SV2C: variants seen among roughly 807,000 people sequenced by gnomAD.
The protein encoded by SV2C is synaptic vesicle glycoprotein 2C.
A neutral mutation model predicts 79.7 loss-of-function variants in SV2C; 49 were observed. The ratio of observed to expected loss-of-function variants is 0.61; its 90% CI spans 0.49 to 0.78. SV2C has a LOEUF of 0.78. Ranked by LOEUF, SV2C falls within the 30% of genes least tolerant of loss-of-function variation. The pLI, the probability that SV2C is intolerant of heterozygous loss-of-function variation, is 0.00. For synonymous variants in SV2C, 334 were observed against 333.2 expected, an observed-to-expected ratio of 1.00 and a Z score of -0.03; for missense variants, 833 against 912.9, an observed-to-expected ratio of 0.91 and a Z score of 1.13.
At chr5:76,282,056 A>G (rs1010873980) in intron 4 of SV2C, among the ~76,000 whole-genome samples, 1 of 152,114 alleles carries the variant, frequency 6.6e-6, no homozygotes, top group African/African-American at 2.4e-5. Flanking sequence ...ACTTCATCCT[A>G]TTTGCCTTTG....
chr5:75,935,776 C>T, the SV2C span, among the ~76,000 whole-genome samples: 1,310 of 152,260 alleles, frequency 8.6e-3, 25 homozygotes, highest in African/African-American at 0.03. Context: ...GTGTTTACCT[C>T]TGGAGAGGGG....
At chr5:75,852,149 C>T in the SV2C span, among the ~76,000 whole-genome samples, 1 of 152,040 alleles carries the variant, frequency 6.6e-6, no homozygotes, top group Non-Finnish European at 1.5e-5. Context: ...GAACATCACA[C>T]ACCAGGGCCT....
At chr5:76,319,579 G>T (rs182758891) in intron 12 of SV2C, among the ~76,000 whole-genome samples, 34 of 152,266 alleles carry the variant, frequency 2.2e-4, no homozygotes, top group African/African-American at 7.9e-4. Flanking sequence ...TTCATCTAAA[G>T]AACTGCCTTT....
the SV2C span, among the ~76,000 whole-genome samples, chr5:76,025,292 C>T: frequency 1.3e-5 from 2 of 151,736 alleles, no homozygotes; most frequent in Non-Finnish European, 2.9e-5. Flanking sequence ...GAGCAGATGG[C>T]TGAGGGGCAT....
At chr5:76,082,296 G>A (rs573573840), upstream of SV2C, 53 of 152,396 alleles carry the variant, frequency 3.5e-4, no homozygotes, top group African/African-American at 1.1e-3. Context: ...CTGCTGCCGC[G>A]GGGTGGGTGC....
At chr5:76,040,046 T>A in the SV2C span, among the ~76,000 whole-genome samples, 2 of 152,206 alleles carry the variant, frequency 1.3e-5, no homozygotes, top group East Asian at 3.8e-4. Context: ...TACATGTACG[T>A]ATATGTGTAT....
chr5:76,264,864 G>T (rs1746596427), intron 4 of SV2C, among the ~76,000 whole-genome samples: 1 of 152,212 alleles, frequency 6.6e-6, no homozygotes, highest in African/African-American at 2.4e-5. Context: ...TGTATGAGGT[G>T]TCTGTCAACC....
At chr5:76,251,447 G>A (rs561864786) in intron 4 of SV2C, among the ~76,000 whole-genome samples, 11 of 152,268 alleles carry the variant, frequency 7.2e-5, no homozygotes, top group Middle Eastern at 3.4e-3. Context: ...AGCTACTCAG[G>A]AGGCTGAGGT....
intron 4 of SV2C, among the ~76,000 whole-genome samples, chr5:76,257,884 G>A: frequency 6.7e-6 from 1 of 149,552 alleles, no homozygotes. Flanking sequence ...TGTGGGGTTT[G>A]AACATGTGTG....
the SV2C span, among the ~76,000 whole-genome samples, chr5:76,003,088 TC>T: frequency 6.6e-6 from 1 of 152,140 alleles, no homozygotes; most frequent in Middle Eastern, 3.2e-3. Context: ...AAGGGCTTTT[TC>T]CCCTTTTGCT....
At chr5:76,107,085 C>T (rs191935400) in intron 1 of SV2C, among the ~76,000 whole-genome samples, 1 of 152,082 alleles carries the variant, frequency 6.6e-6, no homozygotes, top group Non-Finnish European at 1.5e-5. Flanking sequence ...AATGAGTATA[C>T]AAAGGAATTA....
intron 4 of SV2C, among the ~76,000 whole-genome samples, chr5:76,268,473 A>C (rs115329561): frequency 0.012 from 1,814 of 152,236 alleles, 29 homozygotes; most frequent in African/African-American, 0.042. Flanking sequence ...GTCCCGCTGC[A>C]TGGCTGCAGC....
chr5:76,290,464 C>T lies in SV2C; in HGVS notation c.1138-757C>T, dbSNP rs375254103. ...GTAAATCTTGATTAGCAGGAGAAGG[C>T]GGGTCAGGCCCACAAAGGACCCATT... On this transcript the variant is annotated intron_variant, in intron 6 of 12. Transcript: ENST00000502798. 3.9e-5 allele frequency among the ~76,000 whole-genome samples: 6 copies of T among 152,282 alleles called. No individual in the cohort carries two copies. In the East Asian group the frequency reaches 1.2e-3, roughly 29 times the overall value.
chr5:76,046,843 C>A, the SV2C span, among the ~76,000 whole-genome samples: 3 of 152,188 alleles, frequency 2.0e-5, no homozygotes, highest in Non-Finnish European at 4.4e-5. Flanking sequence ...AGTATGACTG[C>A]CCTTGCTCAT....
intron 12 of SV2C, among the ~76,000 whole-genome samples, 172 bp from the exon 13 acceptor site, chr5:76,325,192 T>C (rs1293930948): frequency 6.6e-6 from 1 of 152,152 alleles, no homozygotes; most frequent in African/African-American, 2.4e-5. Flanking sequence ...GGAGGAACAA[T>C]ACCAACAGCT....
the SV2C span, among the ~76,000 whole-genome samples, chr5:75,890,175 A>C: frequency 1.2e-3 from 189 of 152,264 alleles, 2 homozygotes; most frequent in African/African-American, 4.3e-3. Context: ...TGTAGACTTT[A>C]AATTGTGAAG....
chr5:76,010,934 T>C, the SV2C span, among the ~76,000 whole-genome samples: 1 of 152,150 alleles, frequency 6.6e-6, no homozygotes, highest in Non-Finnish European at 1.5e-5. Context: ...GAACCTTGTT[T>C]TGATTATCCT....
the SV2C span, among the ~76,000 whole-genome samples, chr5:75,859,908 C>T: frequency 6.6e-5 from 10 of 152,124 alleles, no homozygotes; most frequent in East Asian, 1.9e-4. Context: ...TCCCTTCCTA[C>T]GCCTCCCATT....
chr5:75,969,284 T>A, the SV2C span, among the ~76,000 whole-genome samples: 2 of 151,892 alleles, frequency 1.3e-5, no homozygotes, highest in Non-Finnish European at 2.9e-5. Flanking sequence ...GCAAAATAAC[T>A]GGCTAACATC....
Sources: gnomAD v4.1 joint callset for allele counts (sites outside exome capture counted in the v4.1 genomes callset) on GRCh38, gnomAD v4.1.1 for gene constraint, MANE v1.5 for transcripts, NCBI Gene and HGNC (gene_info 2026-07-23, HGNC 2026-07-21) for gene names.